TUBGCP4: variants seen among roughly 807,000 people sequenced by gnomAD.
TUBGCP4 encodes tubulin gamma complex component 4.
TUBGCP4 carries 54 observed loss-of-function variants against 91.6 expected under a neutral mutation model. The ratio of observed to expected loss-of-function variants is 0.59; its 90% CI spans 0.47 to 0.74. TUBGCP4 has a LOEUF of 0.74. Ranked by LOEUF, TUBGCP4 falls within the 30% of genes least tolerant of loss-of-function variation. TUBGCP4 has a pLI of 0.00. For missense variants in TUBGCP4, 593 were observed against 800.9 expected, an observed-to-expected ratio of 0.74 and a Z score of 3.13; for synonymous variants, 297 against 302.8, an observed-to-expected ratio of 0.98 and a Z score of 0.20.
intron 8 of TUBGCP4, 30 bp from the exon 9 acceptor site, chr15:43,386,176 C>G: frequency 6.3e-7 from 1 of 1,590,160 alleles, no homozygotes; most frequent in Non-Finnish European, 8.6e-7. Flanking sequence ...ATTCTCCGTC[C>G]TCCTTTGACG....
intron 9 of TUBGCP4, among the ~76,000 whole-genome samples, chr15:43,392,174 T>C (rs1363534926): frequency 6.6e-6 from 1 of 151,588 alleles, no homozygotes; most frequent in African/African-American, 2.4e-5. Context: ...TTTTCTTTAT[T>C]AGTTTCTTCC....
chr15:43,393,657 T>C (rs1478442173), intron 9 of TUBGCP4, among the ~76,000 whole-genome samples: 1 of 152,064 alleles, frequency 6.6e-6, no homozygotes, highest in African/African-American at 2.4e-5. Flanking sequence ...CCGTGTGTTC[T>C]CATTGTTCAA....
At chr15:43,372,201 G>A (rs2044134579) in intron 1 of TUBGCP4, among the ~76,000 whole-genome samples, 1 of 152,108 alleles carries the variant, frequency 6.6e-6, no homozygotes. Flanking sequence ...GTTAACAAAT[G>A]AGCAAACTGA....
chr15:43,384,041 T>C (rs2044322358), intron 7 of TUBGCP4, among the ~76,000 whole-genome samples: 1 of 152,192 alleles, frequency 6.6e-6, no homozygotes, highest in Non-Finnish European at 1.5e-5. Context: ...CTCGAACGCC[T>C]GACCTCAGGT....
At chr15:43,372,380 T>C (rs554124777) in intron 1 of TUBGCP4, among the ~76,000 whole-genome samples, 1 of 152,328 alleles carries the variant, frequency 6.6e-6, no homozygotes, top group South Asian at 2.1e-4. Context: ...TTATTATTTA[T>C]GAACATGTAT....
intron 13 of TUBGCP4, among the ~76,000 whole-genome samples, chr15:43,399,563 C>T (rs957640207): frequency 2.0e-5 from 3 of 152,152 alleles, no homozygotes; most frequent in African/African-American, 7.2e-5. Flanking sequence ...TCAGGCTGGT[C>T]TTGAACCCCT....
chr15:43,377,940 A>C (rs559270536), intron 5 of TUBGCP4, 37 bp downstream of exon 5: 8 of 1,483,420 alleles, frequency 5.4e-6, no homozygotes, highest in Non-Finnish European at 7.4e-6. Flanking sequence ...TTTGCTAAGC[A>C]CTGAGGGAAT....
intron 6 of TUBGCP4, among the ~76,000 whole-genome samples, chr15:43,380,637 T>A (rs1165904578): frequency 6.6e-6 from 1 of 152,230 alleles, no homozygotes; most frequent in Non-Finnish European, 1.5e-5. Flanking sequence ...CATTGCAATG[T>A]TGTCTACTAT....
At position 43,407,930 on chromosome 15, in the gene TUBGCP4, C is replaced by G. The variant is rs766075995; in HGVS notation, c.*2716C>G. On this transcript the variant is annotated 3_prime_UTR_variant, in exon 18 of 18. Coordinates refer to ENST00000564079, the MANE Select transcript of TUBGCP4 (RefSeq NM_014444.5). ...CCCTGGAACAAAGACACTACACACA[C>G]TCTTTCAGGTACCTTTGTTATGGGC... 7.8e-5 allele frequency: 126 copies of G among 1,607,954 alleles called. No homozygotes were observed. Among genetic ancestry groups the G allele is most frequent in the Non-Finnish European group, 1.1e-4 (125 of 1,178,982 alleles).
chr15:43,397,136 G>A lies in TUBGCP4; in HGVS notation c.1172-78G>A, dbSNP rs959691039. 8.9e-5 allele frequency: 86 copies of A among 962,258 alleles called. No individual in the cohort carries two copies. The African/African-American group carries it at 1.3e-3, about 14-fold the overall frequency. 59.6% of individuals were successfully genotyped at this position (962,258 alleles called of 1,614,324 possible). A position where few individuals can be genotyped will look rare whatever the true frequency, so the allele number is the denominator to read the frequency against. On this transcript the variant is annotated intron_variant, in intron 11 of 17. Transcript: ENST00000564079. ...GCTGTTAGCATTGAGCATGTTGGGG[G>A]AGAAGTGGAAAGCTGGAGGAGTCTG...
At chr15:43,400,695 C>T (rs1296466384) in intron 14 of TUBGCP4, among the ~76,000 whole-genome samples, 1 of 152,078 alleles carries the variant, frequency 6.6e-6, no homozygotes, top group East Asian at 1.9e-4. Context: ...ATGGGCGGAT[C>T]ACTTGAGGTC....
intron 9 of TUBGCP4, among the ~76,000 whole-genome samples, chr15:43,393,672 C>T (rs1397668241): frequency 6.6e-6 from 1 of 152,014 alleles, no homozygotes; most frequent in Non-Finnish European, 1.5e-5. Flanking sequence ...GTTCAATTCC[C>T]ACCTATGAGT....
At position 43,408,332 on chromosome 15, in the gene TUBGCP4, T is replaced by G. The variant is rs1429413750; in HGVS notation, c.*3118T>G. The stretch of plus-strand genomic sequence containing the variant: ...ATCTCTACAAAAGACAACAAAAAAA[T>G]TAGCTGGGTGTGGTGGCGAGTGCCT... On this transcript the variant is annotated 3_prime_UTR_variant, in exon 18 of 18. Coordinates refer to ENST00000564079, the MANE Select transcript of TUBGCP4 (RefSeq NM_014444.5). 1 of 395,424 alleles carries G rather than the reference T, an allele frequency of 2.5e-6. No homozygotes were observed. The highest frequency in any genetic ancestry group is 2.1e-5 in the African/African-American group (1 of 48,246). The allele number at this position is 395,424 out of a possible 1,614,324, so 24.5% of individuals were successfully genotyped here.
At chr15:43,383,274 C>G in intron 6 of TUBGCP4, 29 bp from the exon 7 acceptor site, 1 of 1,598,130 alleles carries the variant, frequency 6.3e-7, no homozygotes, top group Non-Finnish European at 8.5e-7. Flanking sequence ...AGCATGACTT[C>G]TGAGCCTCTT....
intron 1 of TUBGCP4, among the ~76,000 whole-genome samples, chr15:43,373,388 A>G (rs1021573240): frequency 1.6e-4 from 25 of 152,370 alleles, no homozygotes; most frequent in African/African-American, 5.8e-4. Flanking sequence ...GCCAATTTTA[A>G]TAGTAGTATC....
intron 7 of TUBGCP4, among the ~76,000 whole-genome samples, chr15:43,383,732 A>G (rs918384526): frequency 3.9e-5 from 6 of 152,162 alleles, no homozygotes; most frequent in African/African-American, 1.2e-4. Context: ...TTGAGAGATT[A>G]TAAGTCTTAC....
chr15:43,376,288 C>T, intron 2 of TUBGCP4, 62 bp downstream of exon 2: 1 of 1,609,068 alleles, frequency 6.2e-7, no homozygotes, highest in Admixed American at 1.7e-5. Context: ...AAGCTTTCAC[C>T]TCTAGAGGGC....
Position 43,400,162 on chromosome 15 carries a change from A to C in TUBGCP4, c.1537A>C (p.Lys513Gln), listed in dbSNP as rs893338789. The change falls in exon 14 of 18, where the codon AAG (lysine) becomes CAG (glutamine). Residue 513 changes from lysine to glutamine, a missense_variant. Coordinates refer to ENST00000564079, the MANE Select transcript of TUBGCP4 (RefSeq NM_014444.5). Reference protein sequence around the residue: ...HLKSNQTDAIKWRLRNHMAFL... With the variant: ...HLKSNQTDAIQWRLRNHMAFL... Reference sequence around the variant, plus strand: ...CAAGTCGAACCAGACTGATGCAATCAAGTGGCGCCTAAGAAATCACATGGC... The same window carrying C: ...CAAGTCGAACCAGACTGATGCAATCCAGTGGCGCCTAAGAAATCACATGGC... 1 of 1,614,210 alleles carries C rather than the reference A, an allele frequency of 6.2e-7. No homozygotes were observed. Among genetic ancestry groups the C allele is most frequent in the African/African-American group, 1.3e-5 (1 of 75,056 alleles).
chr15:43,391,589 C>T (rs906398438), intron 9 of TUBGCP4: 3 of 152,174 alleles, frequency 2.0e-5, no homozygotes, highest in African/African-American at 4.8e-5. Flanking sequence ...AGGTGGTCAC[C>T]GTATTGATGC....
Sources: allele counts gnomAD v4.1 joint callset (sites outside exome capture counted in the v4.1 genomes callset), GRCh38; gene constraint gnomAD v4.1.1; transcripts MANE v1.5; gene names NCBI Gene and HGNC (gene_info 2026-07-23, HGNC 2026-07-21).